The following NEK11 variants were observed in gnomAD, a reference collection of about 807,000 sequenced individuals.
NEK11 encodes the protein NIMA related kinase 11.
Under a neutral mutation model 80.7 loss-of-function variants are expected in NEK11, and 72 were observed. The ratio of observed to expected loss-of-function variants is 0.89; its 90% CI spans 0.74 to 1.08. NEK11 has a LOEUF of 1.08. NEK11 is among the 50% of genes least tolerant of loss of function. The pLI is 0.00. For synonymous variants in NEK11, 251 were observed against 260.7 expected (o/e 0.96, Z 0.36); for missense variants, 764 against 763.6 (o/e 1.00, Z -0.01).
intron 7 of NEK11, among the ~76,000 whole-genome samples, chr3:131,142,871 C>T (rs1307120469): frequency 6.6e-6 from 1 of 152,050 alleles, no homozygotes; most frequent in East Asian, 1.9e-4. Flanking sequence ...TGATAATCTT[C>T]CTTGAAACAT....
intron 14 of NEK11, among the ~76,000 whole-genome samples, chr3:131,211,346 C>G (rs1342219527): frequency 1.3e-5 from 2 of 152,206 alleles, no homozygotes; most frequent in Non-Finnish European, 2.9e-5. Context: ...TGCTGTTAGT[C>G]TGATGGGCTT....
chr3:131,264,204 G>C (rs2108520312), intron 16 of NEK11, among the ~76,000 whole-genome samples: 1 of 152,306 alleles, frequency 6.6e-6, no homozygotes. Flanking sequence ...CTGTGCAGAA[G>C]CTCTTTAGTT....
At chr3:131,207,462 A>T (rs2094476564) in intron 14 of NEK11, among the ~76,000 whole-genome samples, 1 of 152,162 alleles carries the variant, frequency 6.6e-6, no homozygotes, top group Non-Finnish European at 1.5e-5. Flanking sequence ...AGGCACCTGT[A>T]GTCCCAGCTA....
chr3:131,304,068 G>C lies in NEK11; in HGVS notation c.1718+30494G>C, dbSNP rs567347078. ...ACATATACCAGTGAGTCATAGATTT[G>C]GTCTCTTTACATAATTCCATATTTT... On this transcript the variant is annotated intron_variant, in intron 17 of 17. Coordinates refer to ENST00000383366, the MANE Select transcript of NEK11 (RefSeq NM_024800.5). 3.3e-5 allele frequency among the ~76,000 whole-genome samples: 5 copies of C among 152,062 alleles called. No individual in the cohort carries two copies. In the South Asian group the frequency reaches 6.2e-4, roughly 19 times the overall value.
Position 131,029,775 on chromosome 3 carries a change from A to G in NEK11, c.67A>G (p.Thr23Ala), listed in dbSNP as rs1297418958. The change falls in exon 3 of 18, where the codon ACC (threonine) becomes GCC (alanine). Residue 23 changes from threonine to alanine, a missense_variant. By Grantham distance (58) the Thr-to-Ala change is moderately conservative (BLOSUM62 0). Transcript: ENST00000383366. ...GSTAISTYPKTLIARRYVLQQ... is the reference protein window; with the variant it reads ...GSTAISTYPKALIARRYVLQQ... ...AACAGCCATTTCCACTTATCCAAAG[A>G]CCTTGATTGCAAGAAGATACGTGCT... 17 of 1,614,102 alleles carry G rather than the reference A, an allele frequency of 1.1e-5. No individual in the cohort carries two copies. Among genetic ancestry groups the G allele is most frequent in the Middle Eastern group, 1.6e-4 (1 of 6,084 alleles).
At chr3:131,271,840 C>T (rs1046906859) in intron 16 of NEK11, among the ~76,000 whole-genome samples, 1 of 150,854 alleles carries the variant, frequency 6.6e-6, no homozygotes, top group Non-Finnish European at 1.5e-5. Flanking sequence ...CCTGTAATTC[C>T]AGCAGTTTGG....
intron 17 of NEK11, chr3:131,327,307 T>C (rs2109928526): frequency 6.6e-6 from 1 of 152,320 alleles, no homozygotes; most frequent in South Asian, 2.1e-4. Flanking sequence ...GGTCACACAG[T>C]GGCTGTTTGC....
At chr3:131,341,916 C>G (rs899673164) in intron 17 of NEK11, among the ~76,000 whole-genome samples, 3 of 152,082 alleles carry the variant, frequency 2.0e-5, no homozygotes, top group African/African-American at 7.2e-5. Flanking sequence ...CAACACCTAG[C>G]TGGATTTTGT....
intron 3 of NEK11, among the ~76,000 whole-genome samples, chr3:131,051,849 G>A (rs920274275): frequency 6.6e-6 from 1 of 152,230 alleles, no homozygotes; most frequent in Non-Finnish European, 1.5e-5. Flanking sequence ...TCATGGAGTA[G>A]AGTAAAACAT....
At chr3:131,201,156 T>G (rs1216884303) in intron 14 of NEK11, among the ~76,000 whole-genome samples, 1 of 150,218 alleles carries the variant, frequency 6.7e-6, no homozygotes, top group African/African-American at 2.4e-5. Context: ...TTAAACCAGA[T>G]AAGCCAGAGT....
chr3:131,189,983 C>T (rs1439774582), intron 14 of NEK11, among the ~76,000 whole-genome samples: 2 of 152,188 alleles, frequency 1.3e-5, no homozygotes, highest in Non-Finnish European at 2.9e-5. Flanking sequence ...TAATTGCTCA[C>T]TTACCGTAAG....
intron 16 of NEK11, among the ~76,000 whole-genome samples, chr3:131,248,802 T>C (rs1462090405): frequency 6.6e-6 from 1 of 152,176 alleles, no homozygotes; most frequent in Non-Finnish European, 1.5e-5. Context: ...GCTTTTTCCA[T>C]GTGAAATATT....
At chr3:131,030,133 G>C (rs994832741) in intron 3 of NEK11, among the ~76,000 whole-genome samples, 1 of 152,100 alleles carries the variant, frequency 6.6e-6, no homozygotes. Context: ...TCAGCTACTT[G>C]GAGGTTGAGG....
At chr3:131,257,369 C>A (rs1056331212) in intron 16 of NEK11, among the ~76,000 whole-genome samples, 1 of 152,022 alleles carries the variant, frequency 6.6e-6, no homozygotes, top group African/African-American at 2.4e-5. Flanking sequence ...AGTTAGTCTT[C>A]GGCATTCATG....
At position 131,152,714 on chromosome 3, in the gene NEK11, T is replaced by A; in HGVS notation, c.876+5T>A. The A allele has an allele frequency of 6.3e-7, 1 of 1,598,006 alleles. No homozygotes were observed. The highest frequency in any genetic ancestry group is 8.6e-7 in the Non-Finnish European group (1 of 1,166,820). ...TACCTTGATGAGCAGCTACAGGTAT[T>A]TAAAATGAAAGGGATTCTGGGAAAC... On this transcript the variant is annotated splice_donor_5th_base_variant and intron_variant, in intron 9 of 17. Coordinates refer to ENST00000383366, the MANE Select transcript of NEK11 (RefSeq NM_024800.5).
chr3:131,285,184 C>T (rs1172393456), intron 17 of NEK11, among the ~76,000 whole-genome samples: 1 of 152,140 alleles, frequency 6.6e-6, no homozygotes, highest in East Asian at 1.9e-4. Flanking sequence ...CAGGTGGGCC[C>T]ATTGGAAAGG....
chr3:131,099,882 G>T (rs2078101963), intron 4 of NEK11, among the ~76,000 whole-genome samples: 2 of 152,156 alleles, frequency 1.3e-5, no homozygotes, highest in Admixed American at 6.6e-5. Flanking sequence ...AGTCTTTAGG[G>T]TGTTTTAGGA....
At position 131,194,824 on chromosome 3, in the gene NEK11, C is replaced by T. The variant is rs546636033; in HGVS notation, c.1399+23937C>T. On this transcript the variant is annotated intron_variant, in intron 14 of 17. Coordinates refer to ENST00000383366, the MANE Select transcript of NEK11 (RefSeq NM_024800.5). ...ATATAGGAAATATAAAGCAAGAAGT[C>T]TGCATGGTATAGTAAGAATCAAGAG... is the stretch of plus-strand genomic sequence containing the variant. 1.7e-3 allele frequency among the ~76,000 whole-genome samples: 258 copies of T among 152,160 alleles called. 1 individual carries two copies. Among genetic ancestry groups the T allele is most frequent in the Non-Finnish European group, 2.9e-3 (196 of 68,026 alleles).
chr3:131,039,100 T>C (rs1024566017), intron 3 of NEK11, among the ~76,000 whole-genome samples: 6 of 152,234 alleles, frequency 3.9e-5, no homozygotes, highest in Non-Finnish European at 8.8e-5. Context: ...ATCTCATTTA[T>C]TCAATAAATA....
Sources: gnomAD v4.1 joint callset for allele counts (sites outside exome capture counted in the v4.1 genomes callset) on GRCh38, gnomAD v4.1.1 for gene constraint, MANE v1.5 for transcripts, NCBI Gene and HGNC (gene_info 2026-07-23, HGNC 2026-07-21) for gene names.